Variants in SLC16A9 observed in about 807,000 individuals in gnomAD.
SLC16A9 encodes solute carrier family 16 member 9.
A neutral mutation model predicts 44.3 loss-of-function variants in SLC16A9; 26 were observed. The observed-to-expected ratio is 0.59, with a 90% CI of 0.43 to 0.81. SLC16A9 has a LOEUF of 0.81. SLC16A9 is among the 40% of genes least tolerant of loss of function. The pLI is 0.00. For missense variants in SLC16A9, 559 were observed against 595.8 expected, an observed-to-expected ratio of 0.94 and a Z score of 0.64; for synonymous variants, 230 against 225.1, an observed-to-expected ratio of 1.02 and a Z score of -0.19.
intron 2 of SLC16A9, among the ~76,000 whole-genome samples, chr10:59,678,041 C>G (rs1245278218): frequency 5.6e-5 from 7 of 124,144 alleles, no homozygotes; most frequent in African/African-American, 8.9e-5. Flanking sequence ...CCCCCCTCCC[C>G]CCACCCCACA....
chr10:59,684,127 T>C lies in SLC16A9; in HGVS notation c.165A>G (p.Gly55=). Residue 55 remains glycine (G), a synonymous_variant, in exon 2 of 6, where the codon GGA becomes GGG. Transcript: ENST00000395348. The stretch of plus-strand genomic sequence containing the variant: ...GCAAGCCAACTCCACTTGCCAGGGA[T>C]CCAACCCAGGCTGTTTTTCCTTTTC... ...GEGKGKTAWV[G]SLASGVGLLA... is the part of the protein sequence containing the mutation. 1.2e-6 allele frequency: 2 copies of C among 1,613,856 alleles called. No homozygotes were observed. The highest frequency in any genetic ancestry group is 1.7e-6 in the Non-Finnish European group (2 of 1,179,864).
chr10:59,666,235 G>A (rs1466999098), intron 3 of SLC16A9, among the ~76,000 whole-genome samples: 1 of 151,052 alleles, frequency 6.6e-6, no homozygotes, highest in Non-Finnish European at 1.5e-5. Context: ...GGAGGTGGAG[G>A]TTGCAGCAAG....
intron 1 of SLC16A9, among the ~76,000 whole-genome samples, chr10:59,687,958 T>TGAA (rs1840169345): frequency 1.4e-5 from 1 of 70,200 alleles, no homozygotes. Context: ...AGACCCTGTC[T>TGAA]CAACAACAAC....
chr10:59,681,964 C>A lies in SLC16A9; in HGVS notation c.196+2132G>T, dbSNP rs114144039. On this transcript the variant is annotated intron_variant, in intron 2 of 5. Transcript: ENST00000395348. ...CCACTTTTCATTCTTGAATTATTTGCCCTCATTTTTCTATGCTCATCTTTA... is the reference window on the plus strand; with the variant it reads ...CCACTTTTCATTCTTGAATTATTTGACCTCATTTTTCTATGCTCATCTTTA... Among the ~76,000 whole-genome samples, 465 of 151,320 alleles carry A rather than the reference C, an allele frequency of 3.1e-3. 1 individual carries two copies. The highest frequency in any genetic ancestry group is 0.011 in the African/African-American group (446 of 41,094).
At chr10:59,699,933 C>CACAT (rs746613024) in intron 1 of SLC16A9, among the ~76,000 whole-genome samples, 1 of 140,112 alleles carries the variant, frequency 7.1e-6, no homozygotes, top group Non-Finnish European at 1.6e-5. Context: ...CACACACACA[C>CACAT]ACATACACAC....
At chr10:59,664,469 T>G in intron 3 of SLC16A9, 147 bp from the exon 4 acceptor site, 1 of 456,730 alleles carries the variant, frequency 2.2e-6, no homozygotes, top group Non-Finnish European at 3.9e-6. Flanking sequence ...TCCTTCCATG[T>G]GTGTAGCCCC....
chr10:59,673,733 A>T (rs969991980), intron 2 of SLC16A9, among the ~76,000 whole-genome samples: 1 of 152,218 alleles, frequency 6.6e-6, no homozygotes, highest in South Asian at 2.1e-4. Flanking sequence ...AGTGTTTACT[A>T]AAGCCGAACA....
chr10:59,660,922 A>T (rs1307101572), intron 4 of SLC16A9, among the ~76,000 whole-genome samples: 1 of 152,230 alleles, frequency 6.6e-6, no homozygotes, highest in Non-Finnish European at 1.5e-5. Flanking sequence ...ATCTCAGTAG[A>T]TGCAGAAAAG....
chr10:59,706,630 TAC>T (rs60450481), intron 1 of SLC16A9, among the ~76,000 whole-genome samples: 21 of 146,016 alleles, frequency 1.4e-4, no homozygotes, highest in South Asian at 2.2e-4. Context: ...AGAAATGTGA[TAC>T]ACACACACAC....
intron 2 of SLC16A9, among the ~76,000 whole-genome samples, chr10:59,682,819 A>ACT (rs71006284): frequency 1 from 152,290 of 152,310 alleles, 76,135 homozygotes; most frequent in Non-Finnish European, 1. Context: ...ATTTTGAGAA[A>ACT]CTATGAAACA....
chr10:59,656,121 T>C (rs945212466), intron 4 of SLC16A9, among the ~76,000 whole-genome samples: 2 of 152,198 alleles, frequency 1.3e-5, no homozygotes, highest in Admixed American at 6.5e-5. Flanking sequence ...TAAGAGAGTA[T>C]CTCTTTGCTA....
rs1236825880 is a variant in SLC16A9, at chr10:59,684,129, C to T, written c.163G>A (p.Gly55Arg). Residue 55 changes from glycine to arginine, a missense_variant, in exon 2 of 6, where the codon GGA (glycine) becomes AGA (arginine). Physicochemically the swap from Gly to Arg is moderately radical, Grantham distance 125. Transcript: ENST00000395348. Reference protein sequence around the residue: ...GEGKGKTAWVGSLASGVGLLA... With the variant: ...GEGKGKTAWVRSLASGVGLLA... ...AAGCCAACTCCACTTGCCAGGGATCCAACCCAGGCTGTTTTTCCTTTTCCT... is the reference window on the plus strand; with the variant it reads ...AAGCCAACTCCACTTGCCAGGGATCTAACCCAGGCTGTTTTTCCTTTTCCT... The T allele has an allele frequency of 1.2e-6, 2 of 1,613,696 alleles. No individual in the cohort carries two copies. The highest frequency in any genetic ancestry group is 1.7e-5 in the Admixed American group (1 of 59,992).
In SLC16A9 at chr10:59,654,350, TTA is replaced by T; in HGVS notation, c.674_675del (p.Ile225LysfsTer4). The T allele has an allele frequency of 6.2e-7, 1 of 1,614,110 alleles. No homozygotes were observed. Among genetic ancestry groups the T allele is most frequent in the Non-Finnish European group, 8.5e-7 (1 of 1,180,034 alleles). On this transcript the variant is annotated frameshift_variant, in exon 5 of 6. Transcript: ENST00000395348. LOFTEE classifies it high-confidence loss of function. Reference sequence around the variant, plus strand: ...CTACTGTAGCTCTTGTCAAGAATGTTTATGTTTTCTTCCAGATTCTTTCCTTT... The same window carrying T: ...CTACTGTAGCTCTTGTCAAGAATGTTTGTTTTCTTCCAGATTCTTTCCTTT... ...NEKGKNLEEN[I>X]NILDKSYSSE...
At chr10:59,688,908 T>C (rs1394695373) in intron 1 of SLC16A9, among the ~76,000 whole-genome samples, 11 of 152,000 alleles carry the variant, frequency 7.2e-5, no homozygotes, top group Admixed American at 3.3e-4. Context: ...ATTATCTCCC[T>C]TACCAGTTTT....
chr10:59,670,764 T>G lies in SLC16A9; in HGVS notation c.340+2006A>C, dbSNP rs1034751573. ...GTCACTTTTTTTTTCAATTTGATAC[T>G]CTACTTCAAATGGTAACAGAATGAA... On this transcript the variant is annotated intron_variant, in intron 3 of 5. Coordinates refer to ENST00000395348, the MANE Select transcript of SLC16A9 (RefSeq NM_194298.3). 3.0e-4 allele frequency among the ~76,000 whole-genome samples: 45 copies of G among 152,128 alleles called. 1 individual carries two copies. Among genetic ancestry groups the G allele is most frequent in the Admixed American group, 2.0e-4 (3 of 15,274 alleles).
At chr10:59,704,930 A>G (rs1840605651) in intron 1 of SLC16A9, among the ~76,000 whole-genome samples, 1 of 152,250 alleles carries the variant, frequency 6.6e-6, no homozygotes, top group South Asian at 2.1e-4. Flanking sequence ...TATTACCTTC[A>G]TAATAAAAAA....
intron 4 of SLC16A9, among the ~76,000 whole-genome samples, chr10:59,656,447 A>G (rs945191199): frequency 1.3e-5 from 2 of 152,248 alleles, no homozygotes; most frequent in African/African-American, 4.8e-5. Context: ...TTTATCTGTC[A>G]ACATGATGAA....
chr10:59,670,951 C>G (rs919557300), intron 3 of SLC16A9, among the ~76,000 whole-genome samples: 1 of 152,222 alleles, frequency 6.6e-6, no homozygotes, highest in African/African-American at 2.4e-5. Flanking sequence ...CCAATAATTA[C>G]GGTGGTGAGA....
intron 4 of SLC16A9, among the ~76,000 whole-genome samples, chr10:59,660,121 G>A (rs1023843578): frequency 1.3e-5 from 2 of 152,056 alleles, no homozygotes; most frequent in Admixed American, 6.6e-5. Context: ...AAATTCAAAC[G>A]CTAGCATGAG....
Sources: allele counts gnomAD v4.1 joint callset (sites outside exome capture counted in the v4.1 genomes callset), GRCh38; gene constraint gnomAD v4.1.1; transcripts MANE v1.5; gene names NCBI Gene and HGNC (gene_info 2026-07-23, HGNC 2026-07-21).